Variants in EBF4 observed in about 807,000 individuals in gnomAD.
EBF4 encodes the protein transcription factor COE4.
Under a neutral mutation model 67.1 loss-of-function variants are expected in EBF4, and 34 were observed. That is an observed-to-expected ratio of 0.51 (90% CI 0.39 to 0.67). EBF4 has a LOEUF of 0.67. Ranked by LOEUF, EBF4 falls within the 30% of genes least tolerant of loss-of-function variation. EBF4 has a pLI of 0.00. For synonymous variants in EBF4, 387 were observed against 377.7 expected, an observed-to-expected ratio of 1.02 and a Z score of -0.29; for missense variants, 837 against 873.3, an observed-to-expected ratio of 0.96 and a Z score of 0.52.
At chr20:2,715,742 C>T (rs1156282013) in intron 6 of EBF4, among the ~76,000 whole-genome samples, 4 of 151,972 alleles carry the variant, frequency 2.6e-5, no homozygotes, top group Admixed American at 2.6e-4. Flanking sequence ...AATTTGTTGG[C>T]TTATTTATTT....
Position 2,696,879 on chromosome 20 carries a change from GC to G in EBF4, c.137+3100del, listed in dbSNP as rs1174021486. ...TCCTCTGCCTGTCCCGGTCCTCCTT[GC>G]CCTGCCAGCTGGGGCCTTCCCCTAA... On this transcript the variant is annotated intron_variant, in intron 1 of 16. Coordinates refer to ENST00000609451, the Ensembl canonical transcript of EBF4. This position sits in a 1 kb window ranked among gnomAD's most constrained non-coding sequence, Gnocchi z 4.7. Among the ~76,000 whole-genome samples, 1 of 152,060 alleles carries G rather than the reference GC, an allele frequency of 6.6e-6. No homozygotes were observed. The highest frequency in any genetic ancestry group is 1.9e-4 in the East Asian group (1 of 5,166).
chr20:2,707,819 G>T lies in EBF4; in HGVS notation c.415-128G>T. The T allele has an allele frequency of 1.1e-6, 1 of 893,504 alleles. No homozygotes were observed. The allele number at this position is 893,504 out of a possible 1,614,324, so 55.3% of individuals were successfully genotyped here. A position where few individuals can be genotyped will look rare whatever the true frequency, so the allele number is the denominator to read the frequency against. ...CTGGGCAGCCCAGAGCAAGGCAGAG[G>T]GCGTGCTCTTCCCTGGGGCAGGGTC... On this transcript the variant is annotated intron_variant, in intron 4 of 16. Transcript: ENST00000609451. This position sits in a 1 kb window ranked among gnomAD's most constrained non-coding sequence, Gnocchi z 4.6.
intron 15 of EBF4, among the ~76,000 whole-genome samples, chr20:2,757,563 TG>T (rs1469684523): frequency 1.3e-5 from 2 of 152,076 alleles, no homozygotes; most frequent in South Asian, 4.1e-4. Flanking sequence ...GGGTTCTTAG[TG>T]GGGGAGGAAT....
intron 4 of EBF4, among the ~76,000 whole-genome samples, chr20:2,706,466 G>T (rs2146386797): frequency 6.6e-6 from 1 of 152,230 alleles, no homozygotes; most frequent in East Asian, 1.9e-4. Context: ...GACAATATTT[G>T]TACAAAAACC....
chr20:2,701,602 A>C (rs2087376312), intron 1 of EBF4, among the ~76,000 whole-genome samples: 1 of 152,220 alleles, frequency 6.6e-6, no homozygotes, highest in African/African-American at 2.4e-5. Context: ...ATTTGGCCTG[A>C]GCACTTGCAG....
chr20:2,721,754 C>T (rs1733299726), intron 6 of EBF4, among the ~76,000 whole-genome samples: 1 of 152,114 alleles, frequency 6.6e-6, no homozygotes, highest in Non-Finnish European at 1.5e-5. Flanking sequence ...TGCACCTGGC[C>T]CCATGTCTCT....
Position 2,751,808 on chromosome 20 carries a change from G to A in EBF4, c.1107+20G>A. On this transcript the variant is annotated intron_variant, in intron 11 of 16. Transcript: ENST00000609451. The surrounding 1 kb of genome is among the most constrained non-coding windows in gnomAD (Gnocchi z 5.2). ...CCCAAGGTACTCAGAGGGGCGGGGCGGGGCGGGGCTGAGGGTGTCCTGTGG... is the reference window on the plus strand; with the variant it reads ...CCCAAGGTACTCAGAGGGGCGGGGCAGGGCGGGGCTGAGGGTGTCCTGTGG... 2 of 1,549,088 alleles carry A rather than the reference G, an allele frequency of 1.3e-6. No individual in the cohort carries two copies. The highest frequency in any genetic ancestry group is 1.4e-5 in the African/African-American group (1 of 73,122).
chr20:2,744,952 T>C (rs1457364982), intron 6 of EBF4, among the ~76,000 whole-genome samples: 1 of 152,230 alleles, frequency 6.6e-6, no homozygotes, highest in Non-Finnish European at 1.5e-5. Context: ...TATTCTTTTT[T>C]TCTAAGTCTT....
At chr20:2,737,123 G>T (rs58273405) in intron 6 of EBF4, among the ~76,000 whole-genome samples, 2 of 150,376 alleles carry the variant, frequency 1.3e-5, no homozygotes, top group African/African-American at 4.9e-5. Flanking sequence ...GGTGGCGGGC[G>T]CCTGTAGTCC....
At chr20:2,750,898 A>G (rs1335928450) in intron 10 of EBF4, among the ~76,000 whole-genome samples, 1 of 152,128 alleles carries the variant, frequency 6.6e-6, no homozygotes, top group Non-Finnish European at 1.5e-5. Flanking sequence ...CCCAGAAGTG[A>G]GTGCTTTCTC....
chr20:2,736,499 G>A (rs1381566621), intron 6 of EBF4, among the ~76,000 whole-genome samples: 4 of 152,114 alleles, frequency 2.6e-5, no homozygotes, highest in Non-Finnish European at 5.9e-5. Flanking sequence ...TTCCTCTACA[G>A]CCACAAAACT....
rs2088148169 is a variant in EBF4 at position 2,751,696 on chromosome 20, C to G, written c.1019-4C>G. 6.4e-7 allele frequency: 1 copy of G among 1,550,850 alleles called. No individual in the cohort carries two copies. ...CGTCCTCCAAACGCCGCCCCCTTCC[C>G]CAGCTCTGAACGAGCCCACCATTGA... On this transcript the variant is annotated splice_region_variant and splice_polypyrimidine_tract_variant and intron_variant, in intron 10 of 16. Coordinates refer to ENST00000609451, the Ensembl canonical transcript of EBF4. The surrounding 1 kb of genome is among the most constrained non-coding windows in gnomAD (Gnocchi z 5.2).
In EBF4 at chr20:2,720,064, T is replaced by C. The variant is rs560584686; in HGVS notation, c.557+10422T>C. ...TTCCTTCATATAATTTGAAAATTCA[T>C]TGTTAGGTACATGGATGTCTAGAAT... is the stretch of plus-strand genomic sequence containing the variant. On this transcript the variant is annotated intron_variant, in intron 6 of 16. Coordinates refer to ENST00000609451, the Ensembl canonical transcript of EBF4. Among the ~76,000 whole-genome samples, 47 of 152,352 alleles carry C rather than the reference T, an allele frequency of 3.1e-4. No individual in the cohort carries two copies. In the East Asian group the frequency reaches 8.5e-3, roughly 27 times the overall value.
At chr20:2,721,636 G>A (rs2087682571) in intron 6 of EBF4, among the ~76,000 whole-genome samples, 1 of 151,964 alleles carries the variant, frequency 6.6e-6, no homozygotes, top group Non-Finnish European at 1.5e-5. Flanking sequence ...TGTATTTTTA[G>A]TAGAGACAGG....
intron 6 of EBF4, among the ~76,000 whole-genome samples, chr20:2,717,967 T>G (rs1038888029): frequency 5.3e-5 from 8 of 152,094 alleles, no homozygotes; most frequent in Non-Finnish European, 1.0e-4. Flanking sequence ...CATGCCACCA[T>G]GCCCGGCTAA....
At chr20:2,710,529 C>A (rs1174700020) in intron 6 of EBF4, among the ~76,000 whole-genome samples, 1 of 149,828 alleles carries the variant, frequency 6.7e-6, no homozygotes, top group Non-Finnish European at 1.5e-5. Context: ...AAAAGGAAGT[C>A]TCCCTCCACC....
At chr20:2,697,405 C>T (rs542402831) in intron 1 of EBF4, among the ~76,000 whole-genome samples, 132 of 149,530 alleles carry the variant, frequency 8.8e-4, no homozygotes, top group South Asian at 1.5e-3. Flanking sequence ...ATTAGCCGGG[C>T]GTGGTGGCGG....
Position 2,747,502 on chromosome 20 carries a change from A to G in EBF4, c.558-1047A>G, listed in dbSNP as rs2088069496. Among the ~76,000 whole-genome samples the G allele has an allele frequency of 6.6e-6, 1 of 152,118 alleles. No individual in the cohort carries two copies. The highest frequency in any genetic ancestry group is 2.4e-5 in the African/African-American group (1 of 41,418). Reference sequence around the variant, plus strand: ...TCAGCGCATATGTGTTTTTTTCCCAATAACTCTATGTAAAAAAGAAGACAT... The same window carrying G: ...TCAGCGCATATGTGTTTTTTTCCCAGTAACTCTATGTAAAAAAGAAGACAT... On this transcript the variant is annotated intron_variant, in intron 6 of 16. Coordinates refer to ENST00000609451, the Ensembl canonical transcript of EBF4. The surrounding 1 kb of genome is among the most constrained non-coding windows in gnomAD (Gnocchi z 4.6).
chr20:2,707,893 T>C lies in EBF4; in HGVS notation c.415-54T>C. 1 of 1,500,202 alleles carries C rather than the reference T, an allele frequency of 6.7e-7. No individual in the cohort carries two copies. Among genetic ancestry groups the C allele is most frequent in the Non-Finnish European group, 9.0e-7 (1 of 1,108,980 alleles). 92.9% of individuals were successfully genotyped at this position (1,500,202 alleles called of 1,614,324 possible). A position where few individuals can be genotyped will look rare whatever the true frequency, so the allele number is the denominator to read the frequency against. ...TGCCAGGTCCGTCTGTGCTGCCACC[T>C]GCACCTCAGAGGAGCCTCCTTCCCC... On this transcript the variant is annotated intron_variant, in intron 4 of 16. Transcript: ENST00000609451. This position sits in a 1 kb window ranked among gnomAD's most constrained non-coding sequence, Gnocchi z 4.6.
Sources: gnomAD v4.1 joint callset for allele counts (sites outside exome capture counted in the v4.1 genomes callset) on GRCh38, gnomAD v4.1.1 for gene constraint, Gnocchi (gnomAD v3.1) non-coding constraint, MANE v1.5 for transcripts, NCBI Gene and HGNC (gene_info 2026-07-23, HGNC 2026-07-21) for gene names.